DCUN1D4: variants seen among roughly 807,000 people sequenced by gnomAD.
DCUN1D4 encodes DCN1-like protein 4.
A neutral mutation model predicts 47.9 loss-of-function variants in DCUN1D4; 22 were observed. The observed-to-expected ratio is 0.46, with a 90% CI of 0.33 to 0.66. The LOEUF (loss-of-function observed/expected upper bound fraction) is 0.66. DCUN1D4 is among the 30% of genes least tolerant of loss of function. The pLI is 0.02. For synonymous variants in DCUN1D4, 121 were observed against 112.2 expected, an observed-to-expected ratio of 1.08 and a Z score of -0.50; for missense variants, 301 against 340.8, an observed-to-expected ratio of 0.88 and a Z score of 0.92.
intron 7 of DCUN1D4, among the ~76,000 whole-genome samples, chr4:51,894,600 T>C (rs1730951148): frequency 6.6e-6 from 1 of 152,166 alleles, no homozygotes; most frequent in Admixed American, 6.5e-5. Context: ...ATAAGCATTG[T>C]ATTTGTGAAG....
chr4:51,910,804 A>G, intron 8 of DCUN1D4: 1 of 476,046 alleles, frequency 2.1e-6, no homozygotes, highest in Non-Finnish European at 3.7e-6. Flanking sequence ...AACTGCTACG[A>G]CATAACTAAT....
At chr4:51,888,570 G>C (rs1360856253) in intron 6 of DCUN1D4, among the ~76,000 whole-genome samples, 3 of 151,288 alleles carry the variant, frequency 2.0e-5, no homozygotes, top group African/African-American at 7.3e-5. Context: ...GCGAAACCCC[G>C]TCTCTATTAA....
At chr4:51,872,123 G>A (rs1254193084) in intron 3 of DCUN1D4, among the ~76,000 whole-genome samples, 1 of 152,192 alleles carries the variant, frequency 6.6e-6, no homozygotes, top group Non-Finnish European at 1.5e-5. Context: ...TTGAGCCTGG[G>A]CACTGTCCAA....
At chr4:51,876,855 GAAAAT>G (rs1727789834) in intron 4 of DCUN1D4, among the ~76,000 whole-genome samples, 1 of 151,992 alleles carries the variant, frequency 6.6e-6, no homozygotes, top group African/African-American at 2.4e-5. Flanking sequence ...TACATACTAT[GAAAAT>G]AAAAACTGTA....
At chr4:51,909,478 G>A in intron 8 of DCUN1D4, 1 of 158,494 alleles carries the variant, frequency 6.3e-6, no homozygotes, top group South Asian at 1.9e-4. Flanking sequence ...CCATTTGCTT[G>A]CACAGTGTCA....
intron 4 of DCUN1D4, chr4:51,875,140 T>C (rs1369164107): frequency 6.6e-6 from 1 of 152,222 alleles, no homozygotes; most frequent in Non-Finnish European, 1.5e-5. Context: ...TGTTTCTTTC[T>C]TGCTGTGACT....
At chr4:51,882,310 G>C (rs145796777) in intron 5 of DCUN1D4, among the ~76,000 whole-genome samples, 1 of 152,306 alleles carries the variant, frequency 6.6e-6, no homozygotes, top group East Asian at 1.9e-4. Flanking sequence ...TTCCCATGTG[G>C]CAAACAGGCA....
chr4:51,841,647 G>A (rs1288241557), upstream of DCUN1D4, among the ~76,000 whole-genome samples: 1 of 152,134 alleles, frequency 6.6e-6, no homozygotes, highest in Admixed American at 6.5e-5. Flanking sequence ...TTATAAGGAT[G>A]TAATTTATTA....
intron 3 of DCUN1D4, among the ~76,000 whole-genome samples, chr4:51,866,378 G>GTGATGATGA (rs540585746): frequency 0.014 from 2,146 of 149,046 alleles, 33 homozygotes; most frequent in Middle Eastern, 0.024. Context: ...CCAAATTATG[G>GTGATGATGA]TGATGATGAT....
intron 1 of DCUN1D4, among the ~76,000 whole-genome samples, chr4:51,848,871 T>C (rs1006944885): frequency 6.6e-6 from 1 of 152,196 alleles, no homozygotes; most frequent in Non-Finnish European, 1.5e-5. Context: ...AAAAAAACAC[T>C]AGATATGAAA....
intron 5 of DCUN1D4, among the ~76,000 whole-genome samples, chr4:51,881,440 C>A (rs915008116): frequency 4.6e-5 from 7 of 152,088 alleles, no homozygotes; most frequent in African/African-American, 1.7e-4. Context: ...ACCTAAGAGA[C>A]CATGTGGGCC....
At chr4:51,858,823 A>T (rs536370153) in intron 1 of DCUN1D4, among the ~76,000 whole-genome samples, 16 of 152,366 alleles carry the variant, frequency 1.1e-4, no homozygotes, top group Middle Eastern at 3.4e-3. Flanking sequence ...GAAAGCAGCC[A>T]TACTTACGTA....
chr4:51,864,414 C>T (rs1306419305), intron 3 of DCUN1D4, among the ~76,000 whole-genome samples: 1 of 152,186 alleles, frequency 6.6e-6, no homozygotes, highest in Non-Finnish European at 1.5e-5. Flanking sequence ...TATTTAAACA[C>T]ATTTTAAAGT....
At position 51,871,036 on chromosome 4, in the gene DCUN1D4, G is replaced by C. The variant is rs147574323; in HGVS notation, c.137-3235G>C. On this transcript the variant is annotated intron_variant, in intron 3 of 10. Transcript: ENST00000334635. ...AGTCAGTGAGTCAGTGCCTGAACTAGGATGGCTGTTGGGGCAGGTGGATAG... is the reference window on the plus strand; with the variant it reads ...AGTCAGTGAGTCAGTGCCTGAACTACGATGGCTGTTGGGGCAGGTGGATAG... Among the ~76,000 whole-genome samples, 601 of 151,872 alleles carry C rather than the reference G, an allele frequency of 4.0e-3. 4 individuals are homozygous for C. The highest frequency in any genetic ancestry group is 6.5e-3 in the Non-Finnish European group (443 of 67,980).
intron 7 of DCUN1D4, among the ~76,000 whole-genome samples, chr4:51,896,290 G>A (rs1449396542): frequency 6.6e-6 from 1 of 152,212 alleles, no homozygotes; most frequent in African/African-American, 2.4e-5. Flanking sequence ...CAGGCATGCT[G>A]CAGAACTTCA....
rs373794586 is a variant in DCUN1D4 at position 51,863,701 on chromosome 4, A to G, written c.128A>G (p.His43Arg). ...NLTEDIGQDD[H>R]QTGSLRSCSS... The stretch of plus-strand genomic sequence containing the variant: ...ACAGAAGACATTGGCCAAGACGATC[A>G]CCAAACAGGTATCTGTAAATGCTAA... The change falls in exon 3 of 11, where the codon CAC becomes CGC. Residue 43 changes from histidine (H) to arginine (R), a missense_variant. Physicochemically the swap from His to Arg is conservative, Grantham distance 29. This residue lies in a region of DCUN1D4 where 131 missense variants were observed against 106.3 expected (regional missense o/e 1.23). Transcript: ENST00000334635. The G allele has an allele frequency of 2.4e-5, 39 of 1,613,062 alleles. No homozygotes were observed. The highest frequency in any genetic ancestry group is 3.1e-5 in the Non-Finnish European group (37 of 1,179,722).
chr4:51,867,971 G>A (rs773063002), intron 3 of DCUN1D4, among the ~76,000 whole-genome samples: 5 of 152,248 alleles, frequency 3.3e-5, no homozygotes, highest in African/African-American at 9.6e-5. Context: ...CTTCCCCCTC[G>A]TGCTTGTTGG....
chr4:51,871,333 G>A (rs1726867119), intron 3 of DCUN1D4, among the ~76,000 whole-genome samples: 1 of 152,196 alleles, frequency 6.6e-6, no homozygotes, highest in African/African-American at 2.4e-5. Flanking sequence ...GTTAACTTAT[G>A]ATGTTTGTGT....
At chr4:51,844,970 C>T (rs1228351967) in intron 1 of DCUN1D4, 1 of 985,320 alleles carries the variant, frequency 1.0e-6, no homozygotes, top group Admixed American at 6.1e-5. Flanking sequence ...CTCCCCAGCC[C>T]TTCTCCCTTG....
Sources: allele counts gnomAD v4.1 joint callset (sites outside exome capture counted in the v4.1 genomes callset), GRCh38; gene constraint gnomAD v4.1.1; regional missense constraint gnomAD v4.1.1; transcripts MANE v1.5; gene names NCBI Gene and HGNC (gene_info 2026-07-23, HGNC 2026-07-21).